CRYBG3: variants seen among roughly 807,000 people sequenced by gnomAD.
CRYBG3 encodes the protein very large A-kinase anchor protein.
A neutral mutation model predicts 244.2 loss-of-function variants in CRYBG3; 127 were observed. That is an observed-to-expected ratio of 0.52 (90% CI 0.45 to 0.60). The LOEUF is 0.60. Ranked by LOEUF, CRYBG3 falls within the 20% of genes least tolerant of loss-of-function variation. The pLI is 0.00. For synonymous variants in CRYBG3, 1,132 were observed against 1,195.8 expected (o/e 0.95, Z 1.10); for missense variants, 3,325 against 3,442.5 (o/e 0.97, Z 0.85).
At chr3:97,907,757 T>C (rs1046169707) in intron 15 of CRYBG3, among the ~76,000 whole-genome samples, 2 of 152,062 alleles carry the variant, frequency 1.3e-5, no homozygotes, top group Admixed American at 6.5e-5. Flanking sequence ...TCAGTTCTGC[T>C]GTGATTTTAG....
chr3:97,868,214 G>A (rs1201614196), intron 3 of CRYBG3, among the ~76,000 whole-genome samples: 1 of 150,962 alleles, frequency 6.6e-6, no homozygotes, highest in Non-Finnish European at 1.5e-5. Context: ...AACCCAGGAG[G>A]CAGAGCTTGC....
At position 97,849,148 on chromosome 3, in the gene CRYBG3, A is replaced by G. The variant is rs1358962300; in HGVS notation, c.216+5887A>G. Among the ~76,000 whole-genome samples, 5 of 152,324 alleles carry G rather than the reference A, an allele frequency of 3.3e-5. No individual in the cohort carries two copies. In the East Asian group the frequency reaches 9.7e-4, roughly 29 times the overall value. On this transcript the variant is annotated intron_variant, in intron 2 of 21. Coordinates refer to ENST00000389622, the MANE Select transcript of CRYBG3 (RefSeq NM_153605.4). ...GTAGTAGGGCGGGTCCTTATTTCAT[A>G]GAGGTGTTTTAGAATTAACTAAGAT...
chr3:97,847,363 C>T (rs567031222), intron 2 of CRYBG3, among the ~76,000 whole-genome samples: 1 of 152,098 alleles, frequency 6.6e-6, no homozygotes, highest in Non-Finnish European at 1.5e-5. Context: ...TATGTTCTAT[C>T]CACAGTGTTA....
At chr3:97,907,293 A>G (rs1006489097) in intron 15 of CRYBG3, among the ~76,000 whole-genome samples, 6 of 152,184 alleles carry the variant, frequency 3.9e-5, no homozygotes, top group African/African-American at 7.2e-5. Context: ...CTCTTTTTCT[A>G]TTGATTGGAA....
At position 97,877,027 on chromosome 3, in the gene CRYBG3, C is replaced by G; in HGVS notation, c.5833C>G (p.Pro1945Ala). 1.3e-6 allele frequency: 2 copies of G among 1,575,796 alleles called. No homozygotes were observed. The highest frequency in any genetic ancestry group is 1.7e-6 in the Non-Finnish European group (2 of 1,161,708). ...PTLSKDYEGY[P>A]APAMPDFQPG... ...ATTAAGTAAGGATTATGAGGGCTAC[C>G]CAGCCCCAGCAATGCCAGATTTTCA... The change falls in exon 4 of 22, where the codon CCA becomes GCA. Residue 1945 changes from proline (P) to alanine (A), a missense_variant. By Grantham distance (27) the Pro-to-Ala change is conservative. Coordinates refer to ENST00000389622, the MANE Select transcript of CRYBG3 (RefSeq NM_153605.4).
At chr3:97,923,586 A>T (rs1478962204) in intron 17 of CRYBG3, among the ~76,000 whole-genome samples, 1 of 151,970 alleles carries the variant, frequency 6.6e-6, no homozygotes, top group Non-Finnish European at 1.5e-5. Flanking sequence ...AAAAAAATCT[A>T]AAAAATAAAA....
intron 2 of CRYBG3, among the ~76,000 whole-genome samples, chr3:97,845,740 G>A (rs2038891407): frequency 6.6e-6 from 1 of 152,154 alleles, no homozygotes; most frequent in Non-Finnish European, 1.5e-5. Flanking sequence ...CTTGGCCCTT[G>A]CCTTGACTAC....
chr3:97,877,915 C>T lies in CRYBG3; in HGVS notation c.6721C>T (p.Leu2241=), dbSNP rs1301426825. ...TTTAAAGAGTGCTTATCATCAGTATCTGCAGACTTCCCAAAGTCATTCCTC... is the reference window on the plus strand; with the variant it reads ...TTTAAAGAGTGCTTATCATCAGTATTTGCAGACTTCCCAAAGTCATTCCTC... ...SSLKSAYHQY[L]QTSQSHSSEK... The change falls in exon 4 of 22, where the codon CTG becomes TTG. Residue 2241 remains leucine (L), a synonymous_variant. Transcript: ENST00000389622. 2 of 1,614,114 alleles carry T rather than the reference C, an allele frequency of 1.2e-6. No homozygotes were observed. Among genetic ancestry groups the T allele is most frequent in the East Asian group, 4.5e-5 (2 of 44,886 alleles).
In CRYBG3 at chr3:97,899,485, C is replaced by G. The variant is rs562274434; in HGVS notation, c.7971+222C>G. On this transcript the variant is annotated intron_variant, in intron 14 of 21. Transcript: ENST00000389622. ...TTTGATCAGTTCATTCACTTAACAG[C>G]ATTTATTTAGTGTCTCTGATGTGTT... 7.2e-5 allele frequency among the ~76,000 whole-genome samples: 11 copies of G among 152,156 alleles called. No individual in the cohort carries two copies. In the South Asian group the frequency reaches 1.2e-3, roughly 17 times the overall value.
Position 97,864,557 on chromosome 3 carries a change from A to T in CRYBG3, c.557A>T (p.Glu186Val). Residue 186 changes from glutamate (E) to valine (V), a missense_variant, in exon 3 of 22, where the codon GAA (glutamate) becomes GTA (valine). Coordinates refer to ENST00000389622, the MANE Select transcript of CRYBG3 (RefSeq NM_153605.4). ...GSLRTQTHPT[E>V]EQDSNSSELS... is the part of the protein sequence containing the mutation. Reference sequence around the variant, plus strand: ...CTAAGAACCCAGACACATCCAACAGAAGAACAAGACTCTAACTCATCCGAA... The same window carrying T: ...CTAAGAACCCAGACACATCCAACAGTAGAACAAGACTCTAACTCATCCGAA... 1 of 1,535,976 alleles carries T rather than the reference A, an allele frequency of 6.5e-7. No homozygotes were observed. Among genetic ancestry groups the T allele is most frequent in the Admixed American group, 2.0e-5 (1 of 50,988 alleles).
intron 15 of CRYBG3, among the ~76,000 whole-genome samples, chr3:97,909,023 A>G (rs1575957439): frequency 6.6e-6 from 1 of 152,156 alleles, no homozygotes; most frequent in East Asian, 1.9e-4. Flanking sequence ...GTTTGGCTGG[A>G]TATGAAATTC....
At chr3:97,912,347 T>G (rs2039881969) in intron 16 of CRYBG3, 71 bp downstream of exon 16, 3 of 732,080 alleles carry the variant, frequency 4.1e-6, no homozygotes, top group South Asian at 2.3e-5. Flanking sequence ...AGAGATATAT[T>G]TTTTGCATGC....
At chr3:97,853,131 C>T (rs939002805) in intron 2 of CRYBG3, among the ~76,000 whole-genome samples, 1 of 152,076 alleles carries the variant, frequency 6.6e-6, no homozygotes, top group Non-Finnish European at 1.5e-5. Context: ...TACACTGTAC[C>T]CAATGTGTAG....
chr3:97,925,109 C>T (rs2040025846), intron 17 of CRYBG3, among the ~76,000 whole-genome samples: 1 of 151,800 alleles, frequency 6.6e-6, no homozygotes, highest in African/African-American at 2.4e-5. Context: ...CATGGCTGGT[C>T]CCTGTCTCTA....
rs1037087692 is a variant in CRYBG3, at chr3:97,864,351, A to G, written c.351A>G (p.Pro117=). 31 of 1,536,008 alleles carry G rather than the reference A, an allele frequency of 2.0e-5. No homozygotes were observed. The East Asian group carries it at 6.1e-4, about 30-fold the overall frequency. Reference sequence around the variant, plus strand: ...AAATAGGAGAAAGTGACAGACAGCCAAAAGAAAGCTTTTTTCAGTTTCTTG... The same window carrying G: ...AAATAGGAGAAAGTGACAGACAGCCGAAAGAAAGCTTTTTTCAGTTTCTTG... ...DTKIGESDRQ[P]KESFFQFLGN... The change falls in exon 3 of 22, where the codon CCA becomes CCG. Residue 117 remains proline (P), a synonymous_variant. Transcript: ENST00000389622.
chr3:97,912,125 C>A, intron 15 of CRYBG3, 42 bp from the exon 16 acceptor site: 1 of 1,057,188 alleles, frequency 9.5e-7, no homozygotes, highest in Non-Finnish European at 1.4e-6. Flanking sequence ...TCATCTAAGA[C>A]CATTTTTTTT....
rs1365724414 is a variant in CRYBG3, at chr3:97,843,237, T to C, written c.192T>C (p.Asn64=). ...TGAGCACAAGTCAGAAAAAGGAAAA[T>C]GTACTTTCATCAGAAGCAGTAAAGG... ...EPMSTSQKKE[N]VLSSEAVKIR... is the part of the protein sequence containing the mutation. Residue 64 remains asparagine (N), a synonymous_variant, in exon 2 of 22, where the codon AAT becomes AAC. Transcript: ENST00000389622. 1 of 1,513,528 alleles carries C rather than the reference T, an allele frequency of 6.6e-7. No homozygotes were observed. The highest frequency in any genetic ancestry group is 2.5e-5 in the East Asian group (1 of 40,674). 93.8% of individuals were successfully genotyped at this position (1,513,528 alleles called of 1,614,324 possible). A position where few individuals can be genotyped will look rare whatever the true frequency, so the allele number is the denominator to read the frequency against.
Position 97,873,506 on chromosome 3 carries a change from A to T in CRYBG3, c.2312A>T (p.Asp771Val). The change falls in exon 4 of 22, where the codon GAT becomes GTT. Residue 771 changes from aspartate to valine, a missense_variant. Transcript: ENST00000389622. ...TTTGACTCTGGAAACCTCTCTAAGG[A>T]TTGCAGTTCCATTTTATCTCAAGAC... is the stretch of plus-strand genomic sequence containing the variant. ...LSFDSGNLSK[D>V]CSSILSQDPN... is the part of the protein sequence containing the mutation. 1 of 1,535,984 alleles carries T rather than the reference A, an allele frequency of 6.5e-7. No individual in the cohort carries two copies. Among genetic ancestry groups the T allele is most frequent in the South Asian group, 1.2e-5 (1 of 84,054 alleles).
rs971382883 is a variant in CRYBG3, at chr3:97,871,849, G to A, written c.655G>A (p.Asp219Asn). The A allele has an allele frequency of 2.7e-6, 4 of 1,488,950 alleles. No individual in the cohort carries two copies. Among genetic ancestry groups the A allele is most frequent in the Admixed American group, 5.0e-5 (2 of 40,092 alleles). 92.2% of individuals were successfully genotyped at this position (1,488,950 alleles called of 1,614,324 possible). A position where few individuals can be genotyped will look rare whatever the true frequency, so the allele number is the denominator to read the frequency against. Residue 219 changes from aspartate (D) to asparagine (N), a missense_variant, in exon 4 of 22, where the codon GAT (aspartate) becomes AAT (asparagine). By Grantham distance (23) the Asp-to-Asn change is conservative. Coordinates refer to ENST00000389622, the MANE Select transcript of CRYBG3 (RefSeq NM_153605.4). ...CATGCTTTCTTTTTACAGACAAATCGATGGTAAACCAGAGAAGCCTTCAGT... is the reference window on the plus strand; with the variant it reads ...CATGCTTTCTTTTTACAGACAAATCAATGGTAAACCAGAGAAGCCTTCAGT... ...QETTNLLKQI[D>N]GKPEKPSVTY...
Sources: allele counts gnomAD v4.1 joint callset (sites outside exome capture counted in the v4.1 genomes callset), GRCh38; gene constraint gnomAD v4.1.1; transcripts MANE v1.5; gene names NCBI Gene and HGNC (gene_info 2026-07-23, HGNC 2026-07-21).